Variants in CDC42BPA observed in about 807,000 individuals in gnomAD.
The protein encoded by CDC42BPA is CDC42 binding protein kinase alpha.
CDC42BPA carries 80 observed loss-of-function variants against 223.5 expected under a neutral mutation model. That is an observed-to-expected ratio of 0.36 (90% confidence interval 0.30 to 0.43). CDC42BPA has a LOEUF of 0.43. CDC42BPA is among the 20% of genes least tolerant of loss of function. The pLI is 1.00. For synonymous variants in CDC42BPA, 694 were observed against 718.6 expected, an observed-to-expected ratio of 0.97 and a Z score of 0.55; for missense variants, 1,743 against 2,099.9, an observed-to-expected ratio of 0.83 and a Z score of 3.32.
At chr1:227,253,638 A>ACATACATACATT (rs766791395) in intron 2 of CDC42BPA, among the ~76,000 whole-genome samples, 1 of 126,968 alleles carries the variant, frequency 7.9e-6, no homozygotes, top group Admixed American at 7.6e-5. Context: ...ATACATACAT[A>ACATACATACATT]CATACATACA....
intron 14 of CDC42BPA, among the ~76,000 whole-genome samples, chr1:227,107,571 T>C (rs1686149404): frequency 6.6e-6 from 1 of 152,112 alleles, no homozygotes; most frequent in African/African-American, 2.4e-5. Context: ...ACAGGTGCCT[T>C]CTCAAAAAAG....
At chr1:227,162,844 AAAAAT>A (rs201883741) in intron 5 of CDC42BPA, among the ~76,000 whole-genome samples, 9,377 of 144,072 alleles carry the variant, frequency 0.065, 990 homozygotes, top group African/African-American at 0.22. Context: ...TCCAAAAGAA[AAAAAT>A]AAAATAAAAT....
chr1:227,064,435 C>T (rs1004844534), intron 21 of CDC42BPA, among the ~76,000 whole-genome samples: 7 of 151,952 alleles, frequency 4.6e-5, no homozygotes, highest in African/African-American at 1.7e-4. Flanking sequence ...TTTTCAGGTT[C>T]GGCTGAAAAG....
intron 6 of CDC42BPA, among the ~76,000 whole-genome samples, chr1:227,156,225 C>T (rs1484872213): frequency 6.6e-6 from 1 of 151,902 alleles, no homozygotes; most frequent in African/African-American, 2.4e-5. Flanking sequence ...ATCACGGTCA[C>T]TGCAGCCTTG....
chr1:227,186,152 C>T (rs1012079329), intron 5 of CDC42BPA, among the ~76,000 whole-genome samples: 1 of 152,102 alleles, frequency 6.6e-6, no homozygotes, highest in Non-Finnish European at 1.5e-5. Context: ...TGTGGACAAG[C>T]CTGAAAGATT....
chr1:227,053,858 G>A (rs1300246996), intron 21 of CDC42BPA, among the ~76,000 whole-genome samples: 1 of 152,126 alleles, frequency 6.6e-6, no homozygotes, highest in Non-Finnish European at 1.5e-5. Context: ...ACTCTGAGTT[G>A]GGAATATGGC....
At chr1:227,256,899 A>T (rs2148316341) in intron 1 of CDC42BPA, among the ~76,000 whole-genome samples, 1 of 151,964 alleles carries the variant, frequency 6.6e-6, no homozygotes, top group Middle Eastern at 3.4e-3. Flanking sequence ...AATTATCCAA[A>T]TGTCCATCAA....
chr1:227,223,207 T>G (rs1162775741), intron 2 of CDC42BPA, among the ~76,000 whole-genome samples: 11 of 152,054 alleles, frequency 7.2e-5, no homozygotes, highest in Non-Finnish European at 1.3e-4. Context: ...TGGATGTGAC[T>G]GAGGATGGGA....
intron 32 of CDC42BPA, among the ~76,000 whole-genome samples, chr1:227,022,157 C>T (rs971872153): frequency 1.3e-5 from 2 of 152,116 alleles, no homozygotes; most frequent in Non-Finnish European, 2.9e-5. Flanking sequence ...ACTGGCCAGG[C>T]GTGATGGCTC....
chr1:227,216,635 G>A (rs1443094924), intron 2 of CDC42BPA, among the ~76,000 whole-genome samples: 3 of 152,120 alleles, frequency 2.0e-5, no homozygotes, highest in Admixed American at 6.5e-5. Context: ...ATTCATTTCA[G>A]TAGCTAAAAA....
At chr1:227,087,794 T>C (rs1682282593) in intron 16 of CDC42BPA, among the ~76,000 whole-genome samples, 1 of 152,192 alleles carries the variant, frequency 6.6e-6, no homozygotes, top group Non-Finnish European at 1.5e-5. Flanking sequence ...TTTTTAGTAT[T>C]TTTTTAGAAG....
chr1:227,158,995 C>T (rs1487378854), intron 6 of CDC42BPA, among the ~76,000 whole-genome samples: 2 of 152,208 alleles, frequency 1.3e-5, no homozygotes, highest in South Asian at 2.1e-4. Context: ...GAATACCTCA[C>T]GAGTTCATTT....
intron 34 of CDC42BPA, among the ~76,000 whole-genome samples, chr1:227,008,428 A>G (rs1481013531): frequency 6.6e-6 from 1 of 152,258 alleles, no homozygotes; most frequent in African/African-American, 2.4e-5. Flanking sequence ...CAAATACTTA[A>G]GGCTTTTGAG....
chr1:227,112,065 T>TCGGTGGTC, intron 14 of CDC42BPA: 7 of 318,006 alleles, frequency 2.2e-5, no homozygotes, highest in South Asian at 2.3e-4. Flanking sequence ...TGTGTAGGTC[T>TCGGTGGTC]GCATAAACAT....
Position 227,024,434 on chromosome 1 carries a change from T to C in CDC42BPA, c.4531-1087A>G, listed in dbSNP as rs111418931. ...CTCATAAAGCTGACTGAACTCCCTA[T>C]GTCCCATCAATTCTGCTCCTAGGTA... is the stretch of plus-strand genomic sequence containing the variant. On this transcript the variant is annotated intron_variant, in intron 31 of 36. Transcript: ENST00000366766. Among the ~76,000 whole-genome samples, 659 of 152,320 alleles carry C rather than the reference T, an allele frequency of 4.3e-3. 6 individuals carry two copies. The highest frequency in any genetic ancestry group is 0.015 in the African/African-American group (633 of 41,574).
chr1:227,170,931 G>C (rs766112742), intron 5 of CDC42BPA, among the ~76,000 whole-genome samples: 1 of 152,160 alleles, frequency 6.6e-6, no homozygotes, highest in Non-Finnish European at 1.5e-5. Flanking sequence ...TTGTTAAGTG[G>C]AACAGTAGCC....
intron 6 of CDC42BPA, among the ~76,000 whole-genome samples, chr1:227,148,776 A>AAAG (rs1199130593): frequency 5.9e-5 from 1 of 17,088 alleles, no homozygotes; most frequent in Non-Finnish European, 1.5e-4. Flanking sequence ...CAAAAGCAAA[A>AAAG]AAAAAAAAAA....
At chr1:227,280,151 T>G (rs1687773265) in intron 1 of CDC42BPA, among the ~76,000 whole-genome samples, 1 of 152,232 alleles carries the variant, frequency 6.6e-6, no homozygotes, top group African/African-American at 2.4e-5. Context: ...AAGTCTGACT[T>G]TAATTTTTAA....
chr1:227,250,441 T>A (rs996498508), intron 2 of CDC42BPA, among the ~76,000 whole-genome samples: 30 of 151,874 alleles, frequency 2.0e-4, no homozygotes, highest in African/African-American at 7.3e-4. Flanking sequence ...TGAGCCAAGA[T>A]TGCACCACTG....
Sources: gnomAD v4.1 joint callset for allele counts (sites outside exome capture counted in the v4.1 genomes callset) on GRCh38, gnomAD v4.1.1 for gene constraint, MANE v1.5 for transcripts, NCBI Gene and HGNC (gene_info 2026-07-23, HGNC 2026-07-21) for gene names.